CADM2: variants seen among roughly 807,000 people sequenced by gnomAD.
CADM2 encodes the protein immunoglobulin superfamily member 4D.
In CADM2, 12 loss-of-function variants were observed where a neutral mutation model predicts 49.8. The observed-to-expected ratio is 0.24, with a 90% CI of 0.15 to 0.39. The LOEUF is 0.39. CADM2 is among the 10% of genes least tolerant of loss of function. The pLI, the probability that CADM2 is intolerant of heterozygous loss-of-function variation, is 1.00. For missense variants in CADM2, 378 were observed against 492.3 expected, an observed-to-expected ratio of 0.77 and a Z score of 2.20; for synonymous variants, 214 against 175.4, an observed-to-expected ratio of 1.22 and a Z score of -1.74.
chr3:85,504,373 A>G (rs1015654182), intron 1 of CADM2, among the ~76,000 whole-genome samples: 2 of 152,164 alleles, frequency 1.3e-5, no homozygotes, highest in African/African-American at 4.8e-5. Context: ...AGCAGTGGCA[A>G]GATTTACTGC....
intron 1 of CADM2, among the ~76,000 whole-genome samples, chr3:85,214,153 C>A (rs1239467052): frequency 6.6e-6 from 1 of 151,830 alleles, no homozygotes; most frequent in African/African-American, 2.4e-5. Flanking sequence ...TTATGGGGCA[C>A]CCCAGGCCCA....
intron 1 of CADM2, among the ~76,000 whole-genome samples, chr3:85,153,771 G>A (rs1410908668): frequency 1.3e-5 from 2 of 152,162 alleles, no homozygotes; most frequent in East Asian, 3.9e-4. Context: ...CCTCAAGTGG[G>A]TCCCTGACCC....
At chr3:85,840,623 T>C (rs2074600974) in intron 3 of CADM2, among the ~76,000 whole-genome samples, 1 of 151,920 alleles carries the variant, frequency 6.6e-6, no homozygotes, top group Admixed American at 6.6e-5. Context: ...AGAATACCTG[T>C]ATTCTCTTTT....
intron 1 of CADM2, among the ~76,000 whole-genome samples, chr3:85,234,998 C>T (rs1295131812): frequency 6.7e-6 from 1 of 150,190 alleles, no homozygotes; most frequent in Non-Finnish European, 1.5e-5. Context: ...AACCTCAGTC[C>T]TCTGGTTTGC....
intron 1 of CADM2, among the ~76,000 whole-genome samples, chr3:85,636,212 T>C (rs2107535489): frequency 6.6e-6 from 1 of 152,254 alleles, no homozygotes; most frequent in East Asian, 1.9e-4. Flanking sequence ...GTTATTGCCC[T>C]TGAAGACCTT....
At chr3:85,796,798 A>G (rs1367135392) in intron 2 of CADM2, among the ~76,000 whole-genome samples, 1 of 152,106 alleles carries the variant, frequency 6.6e-6, no homozygotes, top group African/African-American at 2.4e-5. Context: ...TTTGCACAAT[A>G]AGAAAATTAC....
At chr3:85,576,106 T>C (rs1349767999) in intron 1 of CADM2, among the ~76,000 whole-genome samples, 3 of 152,198 alleles carry the variant, frequency 2.0e-5, no homozygotes, top group Non-Finnish European at 4.4e-5. Context: ...TGACACCTCT[T>C]AGTATAACTA....
At chr3:85,074,386 C>A (rs959953241) in intron 1 of CADM2, among the ~76,000 whole-genome samples, 1 of 152,034 alleles carries the variant, frequency 6.6e-6, no homozygotes, top group Non-Finnish European at 1.5e-5. Context: ...TACCTTTATC[C>A]TGTTCTTATC....
chr3:85,542,837 G>C (rs984057330), intron 1 of CADM2, among the ~76,000 whole-genome samples: 4 of 152,162 alleles, frequency 2.6e-5, no homozygotes, highest in Non-Finnish European at 5.9e-5. Context: ...CTAACGTCAA[G>C]AGTGGCAAAT....
intron 1 of CADM2, among the ~76,000 whole-genome samples, chr3:85,310,498 C>A (rs949760234): frequency 3.3e-5 from 5 of 152,146 alleles, no homozygotes; most frequent in Non-Finnish European, 5.9e-5. Context: ...CTGCCGAATT[C>A]ATCTCTGCAA....
chr3:85,181,897 G>A (rs930634753), intron 1 of CADM2, among the ~76,000 whole-genome samples: 1 of 149,106 alleles, frequency 6.7e-6, no homozygotes, highest in South Asian at 2.1e-4. Context: ...GATAATGATG[G>A]TGATATAAAT....
At chr3:85,067,025 T>C in intron 1 of CADM2, among the ~76,000 whole-genome samples, 1 of 152,148 alleles carries the variant, frequency 6.6e-6, no homozygotes, top group East Asian at 1.9e-4. Context: ...GGATAATATA[T>C]TAATCATTTG....
intron 1 of CADM2, among the ~76,000 whole-genome samples, chr3:85,458,867 T>C (rs1232003280): frequency 6.6e-6 from 1 of 152,168 alleles, no homozygotes; most frequent in Non-Finnish European, 1.5e-5. Flanking sequence ...GAACATAGTA[T>C]TAAAAGGAAG....
Position 85,707,874 on chromosome 3 carries a change from C to T in CADM2, c.62-18648C>T, listed in dbSNP as rs144898257. Among the ~76,000 whole-genome samples, 59 of 152,240 alleles carry T rather than the reference C, an allele frequency of 3.9e-4. No individual in the cohort carries two copies. In the East Asian group the frequency reaches 8.7e-3, roughly 22 times the overall value. On this transcript the variant is annotated intron_variant, in intron 1 of 9. Coordinates refer to ENST00000383699, the MANE Select transcript of CADM2 (RefSeq NM_001167675.2). Reference sequence around the variant, plus strand: ...ATTTTCCTCTTACTTGCCAATACTTCCCACCATGTGGAATATATTATAAGC... The same window carrying T: ...ATTTTCCTCTTACTTGCCAATACTTTCCACCATGTGGAATATATTATAAGC...
rs143022879 is a variant in CADM2, at chr3:85,703,898, C to T, written c.62-22624C>T. ...TGCTAAGTAGCAAAACAGTGTCTTTCAAAATGTACTGAAGTGTTTCCTGAA... is the reference window on the plus strand; with the variant it reads ...TGCTAAGTAGCAAAACAGTGTCTTTTAAAATGTACTGAAGTGTTTCCTGAA... On this transcript the variant is annotated intron_variant, in intron 1 of 9. Transcript: ENST00000383699. Among the ~76,000 whole-genome samples the T allele has an allele frequency of 3.3e-3, 498 of 152,268 alleles. 5 individuals are homozygous for T. The highest frequency in any genetic ancestry group is 7.1e-3 in the Admixed American group (109 of 15,290).
intron 1 of CADM2, among the ~76,000 whole-genome samples, chr3:85,281,171 TCAGAA>T (rs1213683068): frequency 5.9e-5 from 9 of 151,778 alleles, no homozygotes; most frequent in African/African-American, 2.2e-4. Flanking sequence ...TGGACACACA[TCAGAA>T]CAGAACATTG....
intron 1 of CADM2, among the ~76,000 whole-genome samples, chr3:85,690,801 A>G (rs1384352938): frequency 1.3e-5 from 2 of 152,200 alleles, no homozygotes; most frequent in Non-Finnish European, 2.9e-5. Context: ...TCATTTATAA[A>G]TACTTGTACA....
At chr3:85,556,257 A>G (rs2061957345) in intron 1 of CADM2, among the ~76,000 whole-genome samples, 1 of 152,128 alleles carries the variant, frequency 6.6e-6, no homozygotes, top group South Asian at 2.1e-4. Flanking sequence ...TAGTATTCGT[A>G]TGGGGGAGGT....
At chr3:85,833,739 C>G (rs62261721) in intron 3 of CADM2, among the ~76,000 whole-genome samples, 53,522 of 151,342 alleles carry the variant, frequency 0.35, 9,968 homozygotes, top group East Asian at 0.57. Flanking sequence ...CAGCAACATA[C>G]TATTTTAATT....
Sources: allele counts gnomAD v4.1 joint callset (sites outside exome capture counted in the v4.1 genomes callset), GRCh38; gene constraint gnomAD v4.1.1; transcripts MANE v1.5; gene names NCBI Gene and HGNC (gene_info 2026-07-23, HGNC 2026-07-21).